The following RNF220 variants were observed in gnomAD, a reference collection of about 807,000 sequenced individuals.
RNF220 encodes E3 ubiquitin-protein ligase RNF220.
Under a neutral mutation model 67.1 loss-of-function variants are expected in RNF220, and 7 were observed. The ratio of observed to expected loss-of-function variants is 0.10; its 90% CI spans 0.06 to 0.20. The LOEUF (loss-of-function observed/expected upper bound fraction) is 0.20, where lower values mean the gene tolerates loss of function less well. Among genes scored for constraint, RNF220 ranks in the 10% least tolerant of loss-of-function variants. RNF220 has a pLI of 1.00. For missense variants in RNF220, 565 were observed against 740.3 expected, an observed-to-expected ratio of 0.76 and a Z score of 2.75; for synonymous variants, 270 against 283.2, an observed-to-expected ratio of 0.95 and a Z score of 0.47.
intron 2 of RNF220, among the ~76,000 whole-genome samples, chr1:44,545,938 T>C (rs1218455336): frequency 6.6e-6 from 1 of 151,986 alleles, no homozygotes; most frequent in African/African-American, 2.4e-5. Context: ...CTATTTATAG[T>C]AGAGACGAGG....
At chr1:44,506,468 G>C (rs1056692476) in intron 2 of RNF220, among the ~76,000 whole-genome samples, 26 of 152,238 alleles carry the variant, frequency 1.7e-4, no homozygotes, top group African/African-American at 5.8e-4. Flanking sequence ...GGGCAGGGGT[G>C]GGGTGAGGGC....
intron 1 of RNF220, among the ~76,000 whole-genome samples, chr1:44,411,345 C>T (rs1308427648): frequency 1.3e-5 from 2 of 152,124 alleles, no homozygotes; most frequent in African/African-American, 2.4e-5. Context: ...GCTGTTTGTT[C>T]ATATAGCACT....
At chr1:44,474,319 A>G (rs530081558) in intron 2 of RNF220, among the ~76,000 whole-genome samples, 12 of 151,074 alleles carry the variant, frequency 7.9e-5, no homozygotes, top group East Asian at 5.8e-4. Flanking sequence ...AGGTTGCAGT[A>G]AGCCGAGATC....
intron 2 of RNF220, among the ~76,000 whole-genome samples, chr1:44,575,835 G>A (rs1259090662): frequency 1.1e-4 from 16 of 152,178 alleles, no homozygotes; most frequent in Admixed American, 1.0e-3. Context: ...ATATCAAAGG[G>A]ATCACTGTGC....
chr1:44,504,483 C>T (rs908916631), intron 2 of RNF220, among the ~76,000 whole-genome samples: 3 of 152,146 alleles, frequency 2.0e-5, no homozygotes, highest in South Asian at 2.1e-4. Flanking sequence ...GGCAGAAGTT[C>T]GAGGGGCTGA....
At chr1:44,613,927 G>C (rs1643427439) in intron 2 of RNF220, among the ~76,000 whole-genome samples, 1 of 152,158 alleles carries the variant, frequency 6.6e-6, no homozygotes, top group African/African-American at 2.4e-5. Flanking sequence ...TCCCATGGGG[G>C]ATGTGTCCTA....
intron 2 of RNF220, among the ~76,000 whole-genome samples, chr1:44,572,012 A>G (rs1193173939): frequency 6.6e-6 from 1 of 152,172 alleles, no homozygotes; most frequent in Non-Finnish European, 1.5e-5. Context: ...CCACATTGCC[A>G]TCTCTCACCC....
At chr1:44,495,345 CTTAA>C (rs1161324586) in intron 2 of RNF220, among the ~76,000 whole-genome samples, 12 of 151,836 alleles carry the variant, frequency 7.9e-5, no homozygotes, top group African/African-American at 2.9e-4. Context: ...TAAATATCTA[CTTAA>C]TTAATTCAGT....
chr1:44,644,905 G>T (rs1459790459), intron 9 of RNF220, 90 bp from the exon 10 acceptor site: 1 of 1,545,850 alleles, frequency 6.5e-7, no homozygotes, highest in East Asian at 2.3e-5. Flanking sequence ...CAGAGTCTCA[G>T]CTTTGGCCAG....
intron 2 of RNF220, among the ~76,000 whole-genome samples, chr1:44,434,491 G>A (rs972754926): frequency 3.3e-5 from 5 of 151,974 alleles, no homozygotes; most frequent in Admixed American, 6.6e-5. Flanking sequence ...GGCGGATCAC[G>A]AGGTCAGGAG....
intron 3 of RNF220, among the ~76,000 whole-genome samples, chr1:44,620,149 A>G (rs1296648564): frequency 1.3e-5 from 2 of 152,236 alleles, no homozygotes; most frequent in African/African-American, 4.8e-5. Context: ...GGGAGGCAGC[A>G]TGGGCAATTA....
chr1:44,417,627 C>T lies in RNF220; in HGVS notation c.625+4905C>T, dbSNP rs1005182597. 6.6e-6 allele frequency among the ~76,000 whole-genome samples: 1 copy of T among 152,256 alleles called. No individual in the cohort carries two copies. The highest frequency in any genetic ancestry group is 2.4e-5 in the African/African-American group (1 of 41,468). On this transcript the variant is annotated intron_variant, in intron 2 of 14. Coordinates refer to ENST00000361799, the MANE Select transcript of RNF220 (RefSeq NM_018150.4). This position sits in a 1 kb window ranked among gnomAD's most constrained non-coding sequence, Gnocchi z 4.0. ...AACGGACACCGCAGCCGTCCTCCCTCCTCGCCCCGCGCCCTCCCTCCCATC... is the reference window on the plus strand; with the variant it reads ...AACGGACACCGCAGCCGTCCTCCCTTCTCGCCCCGCGCCCTCCCTCCCATC...
chr1:44,632,543 G>A, intron 6 of RNF220, 158 bp downstream of exon 6: 1 of 715,640 alleles, frequency 1.4e-6, no homozygotes, highest in East Asian at 2.7e-5. Context: ...CAAAGCTGCC[G>A]CTCTCAGTTT....
At chr1:44,541,902 A>G (rs1322731459) in intron 2 of RNF220, among the ~76,000 whole-genome samples, 1 of 152,166 alleles carries the variant, frequency 6.6e-6, no homozygotes, top group Non-Finnish European at 1.5e-5. Flanking sequence ...ATTTTGAGAG[A>G]TTCCTCTTAA....
intron 7 of RNF220, 139 bp from the exon 8 acceptor site, chr1:44,635,891 G>A: frequency 6.9e-7 from 1 of 1,452,862 alleles, no homozygotes; most frequent in African/African-American, 1.4e-5. Context: ...CTCTAAATTG[G>A]TTTGCTTCAA....
At chr1:44,585,849 A>G (rs1238784014) in intron 2 of RNF220, among the ~76,000 whole-genome samples, 3 of 152,112 alleles carry the variant, frequency 2.0e-5, no homozygotes, top group South Asian at 2.1e-4. Context: ...AGGTCAGAGC[A>G]TGGTGCACAG....
intron 2 of RNF220, chr1:44,545,633 A>T (rs1355563962): frequency 6.5e-6 from 1 of 154,122 alleles, no homozygotes; most frequent in Non-Finnish European, 1.5e-5. Flanking sequence ...AGGCTAGGAG[A>T]CCTGACCAGA....
At chr1:44,551,038 A>G (rs1243522699) in intron 2 of RNF220, among the ~76,000 whole-genome samples, 2 of 147,258 alleles carry the variant, frequency 1.4e-5, no homozygotes, top group Non-Finnish European at 3.0e-5. Flanking sequence ...TTCCCCCTAA[A>G]CCCTGCCAAA....
At chr1:44,601,909 G>T (rs958203895) in intron 2 of RNF220, among the ~76,000 whole-genome samples, 1 of 152,188 alleles carries the variant, frequency 6.6e-6, no homozygotes, top group African/African-American at 2.4e-5. Context: ...AAGGAGAATA[G>T]TTGGGTTGTG....
Sources: allele counts gnomAD v4.1 joint callset (sites outside exome capture counted in the v4.1 genomes callset), GRCh38; gene constraint gnomAD v4.1.1; non-coding constraint Gnocchi (gnomAD v3.1); transcripts MANE v1.5; gene names NCBI Gene and HGNC (gene_info 2026-07-23, HGNC 2026-07-21).